The following FOXM1 variants were observed in gnomAD, a reference collection of about 807,000 sequenced individuals.
FOXM1 encodes forkhead box protein M1.
A neutral mutation model predicts 63.6 loss-of-function variants in FOXM1; 25 were observed. That is an observed-to-expected ratio of 0.39 (90% confidence interval 0.29 to 0.55). The LOEUF (loss-of-function observed/expected upper bound fraction) is 0.55, where lower values mean the gene tolerates loss of function less well. Ranked by LOEUF, FOXM1 falls within the 20% of genes least tolerant of loss-of-function variation. The pLI, the probability that FOXM1 is intolerant of heterozygous loss-of-function variation, is 0.60. For synonymous variants in FOXM1, 387 were observed against 376.9 expected (o/e 1.03, Z -0.31); for missense variants, 879 against 958.7 (o/e 0.92, Z 1.10).
chr12:2,864,755 G>A lies in FOXM1; in HGVS notation c.1021-3C>T. ...TCTGGATTCGGTCGTTTCTGCTGCTGCTTGTGGCAGATGGGGAGAGAAAGA... is the reference window on the plus strand; with the variant it reads ...TCTGGATTCGGTCGTTTCTGCTGCTACTTGTGGCAGATGGGGAGAGAAAGA... On this transcript the variant is annotated splice_region_variant and splice_polypyrimidine_tract_variant and intron_variant, in intron 6 of 8. Transcript: ENST00000359843. This position sits in a 1 kb window ranked among gnomAD's most constrained non-coding sequence, Gnocchi z 5.1. 1 of 1,614,032 alleles carries A rather than the reference G, an allele frequency of 6.2e-7. No individual in the cohort carries two copies.
Position 2,858,973 on chromosome 12 carries a change from G to A in FOXM1, c.1957C>T (p.Pro653Ser), listed in dbSNP as rs779597736. ...SQGASDPLPD[P>S]LGLMDLSTTP... ...GTGCTGAGATCCATCAGCCCCAGGG[G>A]GTCAGGCAAGGGGTCAGAGGCACCC... The change falls in exon 9 of 9, where the codon CCC (proline) becomes TCC (serine). Residue 653 changes from proline to serine, a missense_variant. By Grantham distance (74) the Pro-to-Ser change is moderately conservative. Coordinates refer to ENST00000359843, the MANE Select transcript of FOXM1 (RefSeq NM_021953.4). 1 of 1,613,446 alleles carries A rather than the reference G, an allele frequency of 6.2e-7. No individual in the cohort carries two copies. Among genetic ancestry groups the A allele is most frequent in the Non-Finnish European group, 8.5e-7 (1 of 1,179,848 alleles).
In FOXM1 at chr12:2,868,751, C is replaced by T. The variant is rs1383834789; in HGVS notation, c.658G>A (p.Glu220Lys). The change falls in exon 4 of 9, where the codon GAG (glutamate) becomes AAG (lysine). Residue 220 changes from glutamate (E) to lysine (K), a missense_variant. Glu to Lys is a moderately conservative substitution (Grantham distance 56). Transcript: ENST00000359843. ...CHLEQRQVKVEEPSRPSASWQ... is the reference protein window; with the variant it reads ...CHLEQRQVKVKEPSRPSASWQ... Reference sequence around the variant, plus strand: ...GACGCTGATGGTCTCGAAGGCTCCTCAACCTGAGGGTTATGACACAGGGAA... The same window carrying T: ...GACGCTGATGGTCTCGAAGGCTCCTTAACCTGAGGGTTATGACACAGGGAA... The T allele has an allele frequency of 3.7e-6, 6 of 1,611,120 alleles. No homozygotes were observed. The highest frequency in any genetic ancestry group is 5.1e-6 in the Non-Finnish European group (6 of 1,178,786).
In FOXM1 at chr12:2,864,876, G is replaced by A; in HGVS notation, c.1021-124C>T. 9.6e-7 allele frequency: 1 copy of A among 1,043,386 alleles called. No homozygotes were observed. 64.6% of individuals were successfully genotyped at this position (1,043,386 alleles called of 1,614,324 possible). A position where few individuals can be genotyped will look rare whatever the true frequency, so the allele number is the denominator to read the frequency against. ...TGAGTTAATGACAGCCCAGAGAGAG[G>A]AGGCCAACCTGAGGGGATGGACGTA... On this transcript the variant is annotated intron_variant, in intron 6 of 8. Coordinates refer to ENST00000359843, the MANE Select transcript of FOXM1 (RefSeq NM_021953.4). The surrounding 1 kb of genome is among the most constrained non-coding windows in gnomAD (Gnocchi z 5.1).
chr12:2,866,633 C>T, intron 4 of FOXM1, 112 bp from the exon 5 acceptor site: 1 of 1,159,908 alleles, frequency 8.6e-7, no homozygotes, highest in Non-Finnish European at 1.2e-6. Flanking sequence ...TCAGCACAGG[C>T]TTCGTCTGGT....
intron 5 of FOXM1, among the ~76,000 whole-genome samples, chr12:2,865,647 T>A (rs1037274416): frequency 0.079 from 10,029 of 127,632 alleles, 819 homozygotes; most frequent in African/African-American, 0.24. Flanking sequence ...GGCAGGCTTT[T>A]TTTTTTTTTT....
At chr12:2,871,521 C>G (rs1220394006) in intron 3 of FOXM1, among the ~76,000 whole-genome samples, 1 of 151,914 alleles carries the variant, frequency 6.6e-6, no homozygotes, top group African/African-American at 2.4e-5. Context: ...TGGCATGCAC[C>G]AAGCTGGCAA....
At chr12:2,866,283 T>C in intron 5 of FOXM1, 110 bp downstream of exon 5, 1 of 1,180,708 alleles carries the variant, frequency 8.5e-7, no homozygotes, top group East Asian at 2.9e-5. Context: ...GGCTGGCTTC[T>C]AACTCTCCCC....
chr12:2,858,596 C>T lies in FOXM1; in HGVS notation c.*42G>A, dbSNP rs780816776. The T allele has an allele frequency of 5.7e-6, 9 of 1,570,524 alleles. No individual in the cohort carries two copies. The highest frequency in any genetic ancestry group is 1.8e-4 in the Middle Eastern group (1 of 5,676). On this transcript the variant is annotated 3_prime_UTR_variant, in exon 9 of 9. Coordinates refer to ENST00000359843, the MANE Select transcript of FOXM1 (RefSeq NM_021953.4). ...GGGGTGCACTGAGCCTTGGAGTGCC[C>T]GGGATGGTGGACAGCTTGAGCACAG...
At chr12:2,868,164 C>A (rs986932933) in intron 4 of FOXM1, 1 of 155,744 alleles carries the variant, frequency 6.4e-6, no homozygotes, top group African/African-American at 2.4e-5. Context: ...CCCCTGCCCA[C>A]TAGAAATGCT....
At position 2,859,382 on chromosome 12, in the gene FOXM1, G is replaced by T. The variant is rs1361729286; in HGVS notation, c.1548C>A (p.Ser516=). The change falls in exon 9 of 9, where the codon TCC becomes TCA. Residue 516 remains serine, a synonymous_variant. Coordinates refer to ENST00000359843, the MANE Select transcript of FOXM1 (RefSeq NM_021953.4). Reference sequence around the variant, plus strand: ...GGGTTGGGGACCTAAGCCCACTGTAGGACTTCTTGGGTCTTGGGGTGGGAG... The same window carrying T: ...GGGTTGGGGACCTAAGCCCACTGTATGACTTCTTGGGTCTTGGGGTGGGAG... The part of the protein sequence containing the change: ...SQSPTPRPKK[S]YSGLRSPTRC... The T allele has an allele frequency of 6.2e-7, 1 of 1,613,982 alleles. No individual in the cohort carries two copies. The highest frequency in any genetic ancestry group is 8.5e-7 in the Non-Finnish European group (1 of 1,180,022).
Position 2,857,984 on chromosome 12 carries a change from C to CT in FOXM1, c.*653dup, listed in dbSNP as rs2098094181. ...TCAACTCCTGACCCAATACAAAAGA[C>CT]TTTTTTAACCAGGATTTCTTCTTGC... is the stretch of plus-strand genomic sequence containing the variant. On this transcript the variant is annotated 3_prime_UTR_variant, in exon 9 of 9. Coordinates refer to ENST00000359843, the MANE Select transcript of FOXM1 (RefSeq NM_021953.4). 6.6e-6 allele frequency: 1 copy of CT among 152,660 alleles called. No individual in the cohort carries two copies. The highest frequency in any genetic ancestry group is 6.5e-5 in the Admixed American group (1 of 15,272). 9.5% of individuals were successfully genotyped at this position (152,660 alleles called of 1,614,324 possible). A position where few individuals can be genotyped will look rare whatever the true frequency, so the allele number is the denominator to read the frequency against.
Position 2,868,708 on chromosome 12 carries a change from GAC to G in FOXM1, c.699_700del (p.Ser234Ter). 2 of 1,613,966 alleles carry G rather than the reference GAC, an allele frequency of 1.2e-6. No individual in the cohort carries two copies. Among genetic ancestry groups the G allele is most frequent in the Non-Finnish European group, 1.7e-6 (2 of 1,179,946 alleles). ...CATGTAAGAGTAGGGTGGCCGCTCAGACACAGAGTTCTGCCAGGACGCTGATG... is the reference window on the plus strand; with the variant it reads ...CATGTAAGAGTAGGGTGGCCGCTCAGACAGAGTTCTGCCAGGACGCTGATG... On this transcript the variant is annotated frameshift_variant, in exon 4 of 9. Transcript: ENST00000359843. LOFTEE classifies it high-confidence loss of function.
At position 2,874,176 on chromosome 12, in the gene FOXM1, A is replaced by G; in HGVS notation, c.303T>C (p.Ser101=). 1 of 1,614,132 alleles carries G rather than the reference A, an allele frequency of 6.2e-7. No individual in the cohort carries two copies. The highest frequency in any genetic ancestry group is 8.5e-7 in the Non-Finnish European group (1 of 1,180,034). ...TGATGAGGATGAATTTGTTGGGCCC[A>G]CTACTGCCACTCTCTTTTCCCTTGG... The part of the protein sequence containing the change: ...LTAKGKESGS[S]GPNKFILISC... The change falls in exon 2 of 9, where the codon AGT becomes AGC. Residue 101 remains serine, a synonymous_variant. Transcript: ENST00000359843. The surrounding 1 kb of genome is among the most constrained non-coding windows in gnomAD (Gnocchi z 4.3).
At position 2,864,309 on chromosome 12, in the gene FOXM1, A is replaced by AG; in HGVS notation, c.1266+10dup. On this transcript the variant is annotated intron_variant, in intron 8 of 8. Transcript: ENST00000359843. The surrounding 1 kb of genome is among the most constrained non-coding windows in gnomAD (Gnocchi z 5.1). Reference sequence around the variant, plus strand: ...CCAGAATCTCTCTTCAGAGGAAAATAGGACACCCACCTTGGGGGCAATGCG... The same window carrying AG: ...CCAGAATCTCTCTTCAGAGGAAAATAGGGACACCCACCTTGGGGGCAATGCG... 1 of 1,602,146 alleles carries AG rather than the reference A, an allele frequency of 6.2e-7. No homozygotes were observed.
rs764795562 is a variant in FOXM1 at position 2,858,875 on chromosome 12, G to T, written c.2055C>A (p.Ile685=). 33 of 1,614,014 alleles carry T rather than the reference G, an allele frequency of 2.0e-5. No homozygotes were observed. Among genetic ancestry groups the T allele is most frequent in the Non-Finnish European group, 2.8e-5 (33 of 1,180,024 alleles). ...RLLSSEPLDL[I]SVPFGNSSPS... Reference sequence around the variant, plus strand: ...GAGAAGAGTTGCCAAAGGGGACGGAGATGAGGTCTAAGGGTTCTGAACTGA... The same window carrying T: ...GAGAAGAGTTGCCAAAGGGGACGGATATGAGGTCTAAGGGTTCTGAACTGA... Residue 685 remains isoleucine, a synonymous_variant, in exon 9 of 9, where the codon ATC becomes ATA. Coordinates refer to ENST00000359843, the MANE Select transcript of FOXM1 (RefSeq NM_021953.4).
chr12:2,875,284 C>T (rs1047829522), intron 1 of FOXM1, among the ~76,000 whole-genome samples: 10 of 152,178 alleles, frequency 6.6e-5, no homozygotes, highest in African/African-American at 1.9e-4. Context: ...TGAGCCACCG[C>T]GTCTGGCCAA....
Position 2,858,348 on chromosome 12 carries a change from C to T in FOXM1, c.*290G>A, listed in dbSNP as rs1421470866. The T allele has an allele frequency of 7.7e-6, 3 of 391,640 alleles. No individual in the cohort carries two copies. The highest frequency in any genetic ancestry group is 1.4e-5 in the Non-Finnish European group (3 of 217,142). The allele number at this position is 391,640 out of a possible 1,614,324, so 24.3% of individuals were successfully genotyped here. Reference sequence around the variant, plus strand: ...TCAGGGAAGGTAAGAGACTGCTGGGCAGAGAATGGAAACAGGCTGGGGGGT... The same window carrying T: ...TCAGGGAAGGTAAGAGACTGCTGGGTAGAGAATGGAAACAGGCTGGGGGGT... On this transcript the variant is annotated 3_prime_UTR_variant, in exon 9 of 9. Transcript: ENST00000359843.
chr12:2,860,003 A>AC (rs2098107242), intron 8 of FOXM1, among the ~76,000 whole-genome samples: 1 of 152,014 alleles, frequency 6.6e-6, no homozygotes, highest in Admixed American at 6.6e-5. Flanking sequence ...TTGGTACACA[A>AC]CCCCCAACTG....
chr12:2,862,678 A>G (rs1344054599), intron 8 of FOXM1, among the ~76,000 whole-genome samples: 1 of 151,784 alleles, frequency 6.6e-6, no homozygotes, highest in Non-Finnish European at 1.5e-5. Flanking sequence ...CAACAGGTAT[A>G]CATGAAAATG....
Sources: allele counts gnomAD v4.1 joint callset (sites outside exome capture counted in the v4.1 genomes callset), GRCh38; gene constraint gnomAD v4.1.1; non-coding constraint Gnocchi (gnomAD v3.1); transcripts MANE v1.5; gene names NCBI Gene and HGNC (gene_info 2026-07-23, HGNC 2026-07-21).